The following NOSTRIN variants were observed in gnomAD, a reference collection of about 807,000 sequenced individuals.
NOSTRIN encodes the protein nitric oxide synthase trafficking.
NOSTRIN carries 63 observed loss-of-function variants against 59.0 expected under a neutral mutation model. That is an observed-to-expected ratio of 1.07 (90% confidence interval 0.87 to 1.32). NOSTRIN has a LOEUF of 1.32. Among genes scored for constraint, NOSTRIN ranks in the 40% most tolerant of loss-of-function variants. The pLI, the probability that NOSTRIN is intolerant of heterozygous loss-of-function variation, is 0.00. For missense variants in NOSTRIN, 512 were observed against 473.1 expected (o/e 1.08, Z -0.76); for synonymous variants, 200 against 165.4 (o/e 1.21, Z -1.61).
intron 12 of NOSTRIN, among the ~76,000 whole-genome samples, chr2:168,858,216 A>C (rs1689236938): frequency 6.6e-6 from 1 of 152,234 alleles, no homozygotes; most frequent in Non-Finnish European, 1.5e-5. Flanking sequence ...CACACAGTGG[A>C]GGACACAAGG....
intron 2 of NOSTRIN, among the ~76,000 whole-genome samples, chr2:168,816,064 A>G (rs912852452): frequency 3.3e-5 from 5 of 152,210 alleles, no homozygotes; most frequent in East Asian, 1.9e-4. Context: ...TATTCTGCCT[A>G]GAAGTGCTGC....
chr2:168,809,223 T>C (rs1686016552), intron 1 of NOSTRIN, among the ~76,000 whole-genome samples: 1 of 152,246 alleles, frequency 6.6e-6, no homozygotes. Flanking sequence ...TCTTTTTCTC[T>C]TTCCACTCTG....
intron 7 of NOSTRIN, among the ~76,000 whole-genome samples, chr2:168,836,750 C>T (rs1687744606): frequency 6.6e-6 from 1 of 152,200 alleles, no homozygotes; most frequent in Non-Finnish European, 1.5e-5. Context: ...TACATATCTG[C>T]AATGGAGAGG....
intron 2 of NOSTRIN, among the ~76,000 whole-genome samples, chr2:168,788,935 A>ATAGG (rs1447549620): frequency 6.7e-6 from 1 of 149,004 alleles, no homozygotes; most frequent in African/African-American, 2.5e-5. Context: ...AGATAGATAG[A>ATAGG]TGATAGATAT....
chr2:168,817,106 A>C (rs950184946), intron 2 of NOSTRIN, among the ~76,000 whole-genome samples: 1 of 152,198 alleles, frequency 6.6e-6, no homozygotes, highest in South Asian at 2.1e-4. Context: ...CTCACAACCC[A>C]CAGCGTACAT....
intron 2 of NOSTRIN, among the ~76,000 whole-genome samples, chr2:168,822,089 G>A (rs528507280): frequency 3.2e-4 from 49 of 152,280 alleles, no homozygotes; most frequent in African/African-American, 1.1e-3. Context: ...CTCCCAGCTG[G>A]CTGTTAACCA....
At chr2:168,790,409 C>T (rs1685318064) in intron 2 of NOSTRIN, among the ~76,000 whole-genome samples, 1 of 152,150 alleles carries the variant, frequency 6.6e-6, no homozygotes, top group Non-Finnish European at 1.5e-5. Context: ...AGCGAAGCAG[C>T]CTGGCAGACA....
intron 7 of NOSTRIN, among the ~76,000 whole-genome samples, chr2:168,837,420 C>T (rs1231247451): frequency 6.7e-6 from 1 of 148,634 alleles, no homozygotes; most frequent in Non-Finnish European, 1.5e-5. Flanking sequence ...TGACATTCTC[C>T]TGCCTCAGCC....
At chr2:168,854,778 GTGTCTGTAGCA>G (rs1688975702) in intron 10 of NOSTRIN, among the ~76,000 whole-genome samples, 1 of 152,134 alleles carries the variant, frequency 6.6e-6, no homozygotes, top group African/African-American at 2.4e-5. Context: ...TGCACTCGTG[GTGTCTGTAGCA>G]TTCGTGAATG....
intron 7 of NOSTRIN, among the ~76,000 whole-genome samples, chr2:168,837,300 CTTTTTTTTTTTTT>C (rs761309524): frequency 9.7e-5 from 6 of 62,162 alleles, no homozygotes; most frequent in South Asian, 5.8e-4. Context: ...TTTTTAACAT[CTTTTTTTTTTTTT>C]TTTTTTTTTT....
intron 2 of NOSTRIN, among the ~76,000 whole-genome samples, chr2:168,812,790 CAG>C (rs1275178694): frequency 1.3e-5 from 2 of 152,148 alleles, no homozygotes; most frequent in African/African-American, 4.8e-5. Context: ...GTGGGAAAGG[CAG>C]AGAGAGGGGC....
Position 168,862,067 on chromosome 2 carries a change from A to G in NOSTRIN, c.1384+18A>G. ...GGAAAAGGGTAAGAATCATTCTCAA[A>G]TATTTTAATTGCCTTCCCATATTGA... On this transcript the variant is annotated intron_variant, in intron 15 of 15. Coordinates refer to ENST00000317647, the MANE Select transcript of NOSTRIN (RefSeq NM_001039724.4). The G allele has an allele frequency of 6.2e-7, 1 of 1,604,400 alleles. No homozygotes were observed. The highest frequency in any genetic ancestry group is 1.3e-5 in the African/African-American group (1 of 74,850).
rs1231228886 is a variant in NOSTRIN at position 168,843,009 on chromosome 2, A to G, written c.522A>G (p.Thr174=). The G allele has an allele frequency of 1.1e-6, 1 of 872,768 alleles. No individual in the cohort carries two copies. The highest frequency in any genetic ancestry group is 2.4e-5 in the East Asian group (1 of 41,698). 54.1% of individuals were successfully genotyped at this position (872,768 alleles called of 1,614,324 possible). Residue 174 remains threonine (T), a synonymous_variant, in exon 8 of 16, where the codon ACA becomes ACG. Coordinates refer to ENST00000317647, the MANE Select transcript of NOSTRIN (RefSeq NM_001039724.4). ...TACATTAGCTCCTCAATAAACTGAC[A>G]AAATCAACTGAAAAGTTGGAAAAGG... is the stretch of plus-strand genomic sequence containing the variant. ...KEKRKLLNKL[T]KSTEKLEKED...
At chr2:168,863,043 C>T (rs1689569874) in intron 15 of NOSTRIN, among the ~76,000 whole-genome samples, 1 of 151,880 alleles carries the variant, frequency 6.6e-6, no homozygotes, top group African/African-American at 2.4e-5. Flanking sequence ...GACATACTTC[C>T]CAGATGCCAC....
chr2:168,857,615 C>T (rs1689203166), intron 12 of NOSTRIN, among the ~76,000 whole-genome samples: 1 of 152,200 alleles, frequency 6.6e-6, no homozygotes, highest in African/African-American at 2.4e-5. Context: ...ATGAATTTTA[C>T]ACAGGAATAA....
intron 2 of NOSTRIN, among the ~76,000 whole-genome samples, chr2:168,817,917 T>C (rs1488440242): frequency 6.6e-6 from 1 of 152,170 alleles, no homozygotes; most frequent in Non-Finnish European, 1.5e-5. Flanking sequence ...AAATACAATC[T>C]GTAAGAGGAG....
rs1461003255 is a variant in NOSTRIN, at chr2:168,864,863, G to T, written c.1414G>T (p.Glu472Ter). 9 of 1,613,840 alleles carry T rather than the reference G, an allele frequency of 5.6e-6. No individual in the cohort carries two copies. Among genetic ancestry groups the T allele is most frequent in the Non-Finnish European group, 7.6e-6 (9 of 1,179,928 alleles). Residue 472 changes from glutamate to a stop codon, truncating the protein, a stop_gained, in exon 16 of 16, where the codon GAA becomes TAA. Coordinates refer to ENST00000317647, the MANE Select transcript of NOSTRIN (RefSeq NM_001039724.4). LOFTEE classifies it high-confidence loss of function. ...GDIVIIHEKK[E>*]GGWWFGSLNG... ...CATTGTGATTATACACGAGAAAAAA[G>T]AAGGAGGATGGTGGTTTGGATCTTT...
intron 2 of NOSTRIN, among the ~76,000 whole-genome samples, chr2:168,814,683 T>G (rs1370094181): frequency 6.6e-6 from 1 of 152,116 alleles, no homozygotes; most frequent in Non-Finnish European, 1.5e-5. Context: ...GCCAGCATAA[T>G]TCAAGATACA....
At chr2:168,859,765 G>A (rs1005852465) in intron 13 of NOSTRIN, 128 bp downstream of exon 13, 1 of 1,199,754 alleles carries the variant, frequency 8.3e-7, no homozygotes, top group African/African-American at 2.3e-5. Context: ...AGTTAGTTAA[G>A]AAGATAAATG....
Sources: allele counts gnomAD v4.1 joint callset (sites outside exome capture counted in the v4.1 genomes callset), GRCh38; gene constraint gnomAD v4.1.1; transcripts MANE v1.5; gene names NCBI Gene and HGNC (gene_info 2026-07-23, HGNC 2026-07-21).